Variants in ROBO2 observed in about 807,000 individuals in gnomAD.
ROBO2 encodes the protein roundabout guidance receptor 2, also known as roundabout homolog 2.
A neutral mutation model predicts 160.8 loss-of-function variants in ROBO2; 53 were observed. The observed-to-expected ratio is 0.33, with a 90% confidence interval of 0.26 to 0.41. The LOEUF (loss-of-function observed/expected upper bound fraction) is 0.41. Ranked by LOEUF, ROBO2 falls within the 10% of genes least tolerant of loss-of-function variation. The pLI is 1.00. For missense variants in ROBO2, 1,577 were observed against 1,722.4 expected (o/e 0.92, Z 1.49); for synonymous variants, 664 against 611.7 (o/e 1.09, Z -1.26).
At chr3:76,734,874 C>T (rs1327144860) in intron 2 of ROBO2, among the ~76,000 whole-genome samples, 1 of 152,172 alleles carries the variant, frequency 6.6e-6, no homozygotes, top group Non-Finnish European at 1.5e-5. Flanking sequence ...TTCATCTACT[C>T]CATTTTCTCT....
intron 2 of ROBO2, among the ~76,000 whole-genome samples, chr3:75,984,852 G>T (rs2065371679): frequency 6.6e-6 from 1 of 151,210 alleles, no homozygotes; most frequent in Non-Finnish European, 1.5e-5. Flanking sequence ...AGAAGAATTT[G>T]GTTTCAGTGT....
chr3:77,217,394 C>T (rs962073009), intron 2 of ROBO2, among the ~76,000 whole-genome samples: 3 of 152,078 alleles, frequency 2.0e-5, no homozygotes, highest in Admixed American at 6.6e-5. Context: ...CTACCTGCCT[C>T]GGCCTCCCAA....
At chr3:76,834,057 C>CTTTTT (rs1473247080) in intron 2 of ROBO2, among the ~76,000 whole-genome samples, 1 of 116,298 alleles carries the variant, frequency 8.6e-6, no homozygotes, top group Non-Finnish European at 1.7e-5. Context: ...TCTCTCCTTT[C>CTTTTT]TTTCTTTTCT....
rs1029589851 is a variant in ROBO2 at position 77,109,168 on chromosome 3, A to G, written c.388+10828A>G. ...TGAAGATTTAAATTTAGTTTGCTAG[A>G]GTTTTGTACAGTACCTTCTACTGGT... On this transcript the variant is annotated intron_variant, in intron 2 of 25. Transcript: ENST00000461745. Among the ~76,000 whole-genome samples the G allele has an allele frequency of 1.2e-4, 19 of 152,222 alleles. No individual in the cohort carries two copies. The East Asian group carries it at 1.5e-3, about 12-fold the overall frequency.
At chr3:76,990,648 T>A (rs1044687236) in intron 2 of ROBO2, among the ~76,000 whole-genome samples, 1 of 152,050 alleles carries the variant, frequency 6.6e-6, no homozygotes, top group Admixed American at 6.6e-5. Flanking sequence ...TTGTTAACTA[T>A]CTCTCTAAAA....
At chr3:76,732,778 G>A (rs13084553) in intron 2 of ROBO2, among the ~76,000 whole-genome samples, 97,663 of 151,970 alleles carry the variant, frequency 0.64, 31,421 homozygotes, top group African/African-American at 0.68. Flanking sequence ...TGAAGGACTG[G>A]CAACATAATT....
chr3:76,896,343 A>G (rs113550373), intron 2 of ROBO2, among the ~76,000 whole-genome samples: 2,137 of 152,226 alleles, frequency 0.014, 35 homozygotes, highest in African/African-American at 0.047. Context: ...AGTAGCCTCA[A>G]TCTTTGAGCT....
intron 2 of ROBO2, among the ~76,000 whole-genome samples, chr3:77,253,311 T>C (rs775662711): frequency 6.6e-6 from 1 of 152,210 alleles, no homozygotes; most frequent in Non-Finnish European, 1.5e-5. Flanking sequence ...CAAGCATTTC[T>C]ATGAGTTGAA....
At chr3:76,305,387 CAAAAAAAAAAAAAAAAAAAAAAA>C (rs1166858558) in intron 2 of ROBO2, among the ~76,000 whole-genome samples, 12 of 20,664 alleles carry the variant, frequency 5.8e-4, no homozygotes, top group South Asian at 3.4e-3. Context: ...CAAGATCTGT[CAAAAAAAAAAAAAAAAAAAAAAA>C]AAAAAAAAAA....
intron 6 of ROBO2, among the ~76,000 whole-genome samples, chr3:77,543,901 C>T (rs2092589055): frequency 6.6e-6 from 1 of 152,028 alleles, no homozygotes; most frequent in Non-Finnish European, 1.5e-5. Flanking sequence ...TTTTAAGTGA[C>T]TGATTTTGAC....
In ROBO2 at chr3:77,525,762, A is replaced by C. The variant is rs949222270; in HGVS notation, c.934+2860A>C. Among the ~76,000 whole-genome samples, 27 of 151,202 alleles carry C rather than the reference A, an allele frequency of 1.8e-4. 1 individual carries two copies. The highest frequency in any genetic ancestry group is 6.3e-4 in the African/African-American group (26 of 41,440). On this transcript the variant is annotated intron_variant, in intron 6 of 25. Coordinates refer to ENST00000461745, the Ensembl canonical transcript of ROBO2. ...ATAGAAATACATTTTATTTGTTTAA[A>C]ACATGATTTCTCACCACAGTTTCTT...
Position 76,963,659 on chromosome 3 carries a change from C to T in ROBO2, c.110-134355C>T, listed in dbSNP as rs562698761. 5.3e-5 allele frequency among the ~76,000 whole-genome samples: 8 copies of T among 151,706 alleles called. No homozygotes were observed. The South Asian group carries it at 1.7e-3, about 32-fold the overall frequency. On this transcript the variant is annotated intron_variant, in intron 2 of 26. Coordinates refer to the ROBO2 transcript ENST00000487694. ...TTTATAATAAAAGCGATAAAATTGC[C>T]TGAGTAACTTTCTTCTACCCATATT...
intron 8 of ROBO2, among the ~76,000 whole-genome samples, chr3:77,557,268 T>G (rs1165112055): frequency 6.6e-6 from 1 of 152,126 alleles, no homozygotes; most frequent in South Asian, 2.1e-4. Context: ...GCACTGTTTT[T>G]GTCATATGAT....
intron 1 of ROBO2, among the ~76,000 whole-genome samples, chr3:77,082,278 C>T (rs542054393): frequency 1.3e-5 from 2 of 152,294 alleles, no homozygotes; most frequent in South Asian, 2.1e-4. Context: ...TCAGAGGTCA[C>T]TCCTTGTTCC....
At chr3:76,538,513 T>C (rs1483712554) in intron 2 of ROBO2, among the ~76,000 whole-genome samples, 1 of 152,232 alleles carries the variant, frequency 6.6e-6, no homozygotes. Context: ...CTGCTGTTGC[T>C]ATCTTCTAAA....
At chr3:77,142,989 G>A (rs1176572849) in intron 2 of ROBO2, among the ~76,000 whole-genome samples, 1 of 151,970 alleles carries the variant, frequency 6.6e-6, no homozygotes, top group African/African-American at 2.4e-5. Flanking sequence ...GAATAAGGCC[G>A]GGAGAAATGA....
At chr3:77,245,728 T>G (rs138175511) in intron 2 of ROBO2, among the ~76,000 whole-genome samples, 1 of 152,198 alleles carries the variant, frequency 6.6e-6, no homozygotes. Context: ...TTCTTTTAAG[T>G]TGATGTTTAG....
chr3:76,805,233 A>G (rs1407975076), intron 2 of ROBO2, among the ~76,000 whole-genome samples: 3 of 151,738 alleles, frequency 2.0e-5, no homozygotes, highest in Admixed American at 6.6e-5. Context: ...TTCCCTTTGC[A>G]CTTTCATTTT....
intron 2 of ROBO2, among the ~76,000 whole-genome samples, chr3:76,119,412 AC>A (rs1360813168): frequency 6.6e-6 from 1 of 152,084 alleles, no homozygotes; most frequent in Non-Finnish European, 1.5e-5. Flanking sequence ...TGGCCAGAAT[AC>A]CAGTGAGATT....
Sources: allele counts gnomAD v4.1 joint callset (sites outside exome capture counted in the v4.1 genomes callset), GRCh38; gene constraint gnomAD v4.1.1; transcripts MANE v1.5; gene names NCBI Gene and HGNC (gene_info 2026-07-23, HGNC 2026-07-21).